The following CTNND1 variants were observed in gnomAD, a reference collection of about 807,000 sequenced individuals.
The protein encoded by CTNND1 is catenin delta-1.
A neutral mutation model predicts 112.1 loss-of-function variants in CTNND1; 16 were observed. That is an observed-to-expected ratio of 0.14 (90% CI 0.10 to 0.22). CTNND1 has a LOEUF of 0.22. Ranked by LOEUF, CTNND1 falls within the 10% of genes least tolerant of loss-of-function variation. The pLI is 1.00. For missense variants in CTNND1, 1,008 were observed against 1,257.0 expected, an observed-to-expected ratio of 0.80 and a Z score of 3.00; for synonymous variants, 420 against 446.5, an observed-to-expected ratio of 0.94 and a Z score of 0.75.
At chr11:57,777,224 T>C (rs1360639584) in intron 1 of CTNND1, among the ~76,000 whole-genome samples, 1 of 152,206 alleles carries the variant, frequency 6.6e-6, no homozygotes, top group Non-Finnish European at 1.5e-5. Flanking sequence ...AACCCTAGAA[T>C]GGCTATTGTG....
chr11:57,771,934 T>A (rs1469710380), intron 1 of CTNND1, among the ~76,000 whole-genome samples: 1 of 151,952 alleles, frequency 6.6e-6, no homozygotes. Flanking sequence ...ATTTTTCTTT[T>A]TCTTTTTTTT....
At chr11:57,810,728 G>A (rs1410942431) in intron 16 of CTNND1, among the ~76,000 whole-genome samples, 2 of 152,004 alleles carry the variant, frequency 1.3e-5, no homozygotes, top group Non-Finnish European at 2.9e-5. Context: ...GCTGAGGCAG[G>A]TGGATTGCCT....
Position 57,767,178 on chromosome 11 carries a change from G to T in CTNND1, c.-214+5059G>T, listed in dbSNP as rs11229118. Among the ~76,000 whole-genome samples the T allele has an allele frequency of 9.3e-3, 1,421 of 152,070 alleles. 32 individuals are homozygous for T. Among genetic ancestry groups the T allele is most frequent in the African/African-American group, 0.032 (1,344 of 41,490 alleles). Reference sequence around the variant, plus strand: ...AGTAGGGATGGGTTTTACCATTTTTGCCAGGTTGGTCTCAAACTCCTGACT... The same window carrying T: ...AGTAGGGATGGGTTTTACCATTTTTTCCAGGTTGGTCTCAAACTCCTGACT... On this transcript the variant is annotated intron_variant, in intron 1 of 20. Coordinates refer to ENST00000399050, the MANE Select transcript of CTNND1 (RefSeq NM_001085458.2).
chr11:57,803,499 C>A, intron 7 of CTNND1, 122 bp from the exon 8 acceptor site: 1 of 647,416 alleles, frequency 1.5e-6, no homozygotes. Context: ...TTGAATATTA[C>A]TATAAGGTAT....
chr11:57,783,654 A>G (rs10792111), intron 1 of CTNND1, among the ~76,000 whole-genome samples: 150,162 of 150,172 alleles, frequency 1, 75,076 homozygotes, highest in Middle Eastern at 1. Context: ...GCGAGACTCC[A>G]TCTCAAAATA....
chr11:57,816,281 TC>T lies in CTNND1; in HGVS notation c.2896-15del, dbSNP rs1398522876. 6.2e-7 allele frequency: 1 copy of T among 1,613,578 alleles called. No individual in the cohort carries two copies. Among genetic ancestry groups the T allele is most frequent in the Non-Finnish European group, 8.5e-7 (1 of 1,179,696 alleles). On this transcript the variant is annotated splice_polypyrimidine_tract_variant and intron_variant, in intron 20 of 20. Coordinates refer to ENST00000399050, the MANE Select transcript of CTNND1 (RefSeq NM_001085458.2). ...CAACCCCATTAACATTCTCTCTTTC[TC>T]TTTTTTCTCCACAGCAGAAGATTTA... is the stretch of plus-strand genomic sequence containing the variant.
At chr11:57,798,362 A>T (rs933826677) in intron 6 of CTNND1, among the ~76,000 whole-genome samples, 23 of 136,604 alleles carry the variant, frequency 1.7e-4, no homozygotes, top group Non-Finnish European at 3.2e-4. Context: ...AAAAAAAAAA[A>T]GCCAAAAAAA....
chr11:57,774,701 T>G (rs1953700383), intron 1 of CTNND1, among the ~76,000 whole-genome samples: 1 of 151,228 alleles, frequency 6.6e-6, no homozygotes, highest in Non-Finnish European at 1.5e-5. Flanking sequence ...GTTTATTTAT[T>G]TATTTATTTA....
intron 1 of CTNND1, among the ~76,000 whole-genome samples, chr11:57,763,630 T>C (rs1385547272): frequency 6.6e-6 from 1 of 152,138 alleles, no homozygotes; most frequent in African/African-American, 2.4e-5. Flanking sequence ...AAAAATACAA[T>C]GTGTATAGGC....
At position 57,802,020 on chromosome 11, in the gene CTNND1, G is replaced by T; in HGVS notation, c.1244G>T (p.Gly415Val). Reference protein sequence around the residue: ...RKLKGIPVLVGLLDHPKKEVH... With the variant: ...RKLKGIPVLVVLLDHPKKEVH... ...CTCAAGGGCATCCCAGTACTGGTGG[G>T]ATTGTTAGACCATCCCAAAAAGGAA... is the stretch of plus-strand genomic sequence containing the variant. The change falls in exon 7 of 21, where the codon GGA (glycine) becomes GTA (valine). Residue 415 changes from glycine to valine, a missense_variant. By Grantham distance (109) the Gly-to-Val change is moderately radical. This residue lies in a region of CTNND1 where 216 missense variants were observed against 342.8 expected (regional missense o/e 0.63). Coordinates refer to ENST00000399050, the MANE Select transcript of CTNND1 (RefSeq NM_001085458.2). The T allele has an allele frequency of 6.2e-7, 1 of 1,614,034 alleles. No individual in the cohort carries two copies.
At chr11:57,775,141 C>T (rs1953838754) in intron 1 of CTNND1, among the ~76,000 whole-genome samples, 2 of 151,640 alleles carry the variant, frequency 1.3e-5, no homozygotes, top group African/African-American at 4.8e-5. Context: ...TTGAGGATCA[C>T]AAAACCTGAA....
chr11:57,781,083 C>T (rs1180172925), intron 1 of CTNND1, among the ~76,000 whole-genome samples: 1 of 152,194 alleles, frequency 6.6e-6, no homozygotes, highest in Non-Finnish European at 1.5e-5. Context: ...GGATTACAGG[C>T]ATCTGCCACC....
chr11:57,787,557 A>T (rs1017306300), intron 1 of CTNND1, among the ~76,000 whole-genome samples: 3 of 152,044 alleles, frequency 2.0e-5, no homozygotes, highest in Admixed American at 6.6e-5. Context: ...GGAAGCAGCA[A>T]TTTTTTTTCT....
Position 57,761,874 on chromosome 11 carries a change from A to AG in CTNND1, c.-454dup. 1 of 985,122 alleles carries AG rather than the reference A, an allele frequency of 1.0e-6. No homozygotes were observed. Among genetic ancestry groups the AG allele is most frequent in the East Asian group, 1.1e-4 (1 of 8,796 alleles). 61.0% of individuals were successfully genotyped at this position (985,122 alleles called of 1,614,324 possible). ...ACTTCCATTTTAGGTGTTGGATCTG[A>AG]GGGGGAAAAAAAAGAGAGAGGGAGA... On this transcript the variant is annotated 5_prime_UTR_variant, in exon 1 of 21. Coordinates refer to ENST00000399050, the MANE Select transcript of CTNND1 (RefSeq NM_001085458.2).
intron 9 of CTNND1, among the ~76,000 whole-genome samples, chr11:57,805,262 T>G (rs1183221453): frequency 2.6e-5 from 4 of 152,094 alleles, no homozygotes; most frequent in African/African-American, 4.8e-5. Flanking sequence ...TTGTTTGTTT[T>G]TTTGAGATGG....
chr11:57,777,655 C>A (rs945534906), intron 1 of CTNND1, among the ~76,000 whole-genome samples: 1 of 152,178 alleles, frequency 6.6e-6, no homozygotes, highest in Non-Finnish European at 1.5e-5. Flanking sequence ...GCCCATACTA[C>A]TTCTAGCAGA....
At chr11:57,814,475 C>T (rs1591708280) in intron 18 of CTNND1, 102 bp downstream of exon 18, 2 of 801,858 alleles carry the variant, frequency 2.5e-6, no homozygotes, top group Non-Finnish European at 2.0e-6. Flanking sequence ...TACCATTTAC[C>T]ATCCTGGGAG....
intron 1 of CTNND1, among the ~76,000 whole-genome samples, chr11:57,786,057 GTGGGATCCAGTAATGTAGGACTTAA>G (rs2060096966): frequency 6.6e-6 from 1 of 152,070 alleles, no homozygotes; most frequent in Non-Finnish European, 1.5e-5. Flanking sequence ...TCTAGTGTGG[GTGGGATCCAGTAATGTAGGACTTAA>G]TGGCTTATTG....
At chr11:57,784,732 C>A (rs1591358780) in intron 1 of CTNND1, among the ~76,000 whole-genome samples, 1 of 152,252 alleles carries the variant, frequency 6.6e-6, no homozygotes, top group South Asian at 2.1e-4. Flanking sequence ...TTTCGAACTC[C>A]TGAACTCAAG....
Sources: gnomAD v4.1 joint callset for allele counts (sites outside exome capture counted in the v4.1 genomes callset) on GRCh38, gnomAD v4.1.1 for gene constraint, gnomAD v4.1.1 regional missense constraint, MANE v1.5 for transcripts, NCBI Gene and HGNC (gene_info 2026-07-23, HGNC 2026-07-21) for gene names.